The following ACSM6 variants were observed in gnomAD, a reference collection of about 807,000 sequenced individuals.
ACSM6 encodes acyl-coenzyme A synthetase ACSM6, mitochondrial.
Under a neutral mutation model 51.1 loss-of-function variants are expected in ACSM6, and 35 were observed. The observed-to-expected ratio is 0.69, with a 90% confidence interval of 0.52 to 0.91. The LOEUF is 0.91. Ranked by LOEUF, ACSM6 falls within the 40% of genes least tolerant of loss-of-function variation. ACSM6 has a pLI of 0.00. For synonymous variants in ACSM6, 172 were observed against 207.3 expected, an observed-to-expected ratio of 0.83 and a Z score of 1.46; for missense variants, 509 against 584.1, an observed-to-expected ratio of 0.87 and a Z score of 1.32.
chr10:95,197,794 A>G lies in ACSM6; in HGVS notation c.192+3117A>G, dbSNP rs4113258. ...CTTTACGGGTGTCGGGCTGGGGGACAGTCAGGTCTTTCTCATCCCACGAGG... is the reference window on the plus strand; with the variant it reads ...CTTTACGGGTGTCGGGCTGGGGGACGGTCAGGTCTTTCTCATCCCACGAGG... On this transcript the variant is annotated intron_variant, in intron 2 of 10. Transcript: ENST00000341686. Among the ~76,000 whole-genome samples, 657 of 151,016 alleles carry G rather than the reference A, an allele frequency of 4.4e-3. 2 individuals carry two copies. The highest frequency in any genetic ancestry group is 6.2e-3 in the Non-Finnish European group (422 of 67,546).
At chr10:95,195,360 G>C (rs982076672) in intron 2 of ACSM6, among the ~76,000 whole-genome samples, 1 of 152,188 alleles carries the variant, frequency 6.6e-6, no homozygotes, top group Non-Finnish European at 1.5e-5. Context: ...GTCTAGGCAG[G>C]AACAACCACA....
chr10:95,218,840 G>A (rs532454777), intron 8 of ACSM6, among the ~76,000 whole-genome samples: 48 of 152,160 alleles, frequency 3.2e-4, no homozygotes, highest in African/African-American at 1.1e-3. Flanking sequence ...ACACTAGAGA[G>A]AGATTACTAT....
At chr10:95,223,890 A>C (rs1341089601) in intron 9 of ACSM6, among the ~76,000 whole-genome samples, 2 of 152,254 alleles carry the variant, frequency 1.3e-5, no homozygotes, top group Non-Finnish European at 2.9e-5. Context: ...GACCATGTAT[A>C]TAGAAAATCC....
intron 2 of ACSM6, among the ~76,000 whole-genome samples, chr10:95,196,977 T>G (rs1019768888): frequency 6.6e-6 from 1 of 152,230 alleles, no homozygotes; most frequent in African/African-American, 2.4e-5. Flanking sequence ...ATCTATATTC[T>G]TTTCTTCATT....
At chr10:95,214,099 T>A (rs2034921096) in intron 7 of ACSM6, among the ~76,000 whole-genome samples, 1 of 152,214 alleles carries the variant, frequency 6.6e-6, no homozygotes, top group African/African-American at 2.4e-5. Context: ...AAGGCAATGA[T>A]GTAATGGTAT....
intron 4 of ACSM6, among the ~76,000 whole-genome samples, chr10:95,209,279 G>A (rs1416656579): frequency 1.3e-5 from 2 of 152,132 alleles, no homozygotes; most frequent in Non-Finnish European, 2.9e-5. Context: ...ACTGTGTGAG[G>A]AACAGAAAGA....
chr10:95,218,822 A>T (rs1166627760), intron 8 of ACSM6, among the ~76,000 whole-genome samples: 1 of 152,238 alleles, frequency 6.6e-6, no homozygotes, highest in Non-Finnish European at 1.5e-5. Context: ...AAAACTAGTT[A>T]CTGCGGTACA....
chr10:95,221,934 G>A (rs1333699339), intron 9 of ACSM6, among the ~76,000 whole-genome samples: 1 of 152,060 alleles, frequency 6.6e-6, no homozygotes, highest in Admixed American at 6.6e-5. Context: ...CACAATAAAG[G>A]CCATATATAA....
At chr10:95,211,477 G>A (rs941186229) in intron 5 of ACSM6, among the ~76,000 whole-genome samples, 3 of 152,218 alleles carry the variant, frequency 2.0e-5, no homozygotes, top group East Asian at 1.9e-4. Flanking sequence ...GGAAATAGGT[G>A]TATGTTCCTC....
At chr10:95,198,617 C>G (rs2034759500) in intron 2 of ACSM6, among the ~76,000 whole-genome samples, 1 of 149,568 alleles carries the variant, frequency 6.7e-6, no homozygotes, top group Non-Finnish European at 1.5e-5. Context: ...TGCCACTGCA[C>G]TCCAGCCTGG....
At chr10:95,201,922 T>C in intron 2 of ACSM6, 63 bp from the exon 3 acceptor site, 1 of 1,421,404 alleles carries the variant, frequency 7.0e-7, no homozygotes, top group Non-Finnish European at 9.7e-7. Flanking sequence ...CTGGCAACAG[T>C]GGCCTCCCAT....
intron 2 of ACSM6, chr10:95,201,748 T>C: frequency 3.5e-6 from 2 of 570,742 alleles, no homozygotes; most frequent in Non-Finnish European, 6.3e-6. Flanking sequence ...TGCTGAGTTC[T>C]CTCAGGAGGT....
At chr10:95,194,539 T>G (rs1354300689) in exon 2 of ACSM6, 1 of 1,551,722 alleles carries the variant, frequency 6.4e-7, no homozygotes, top group African/African-American at 1.4e-5. Context: ...GACTGGGATT[T>G]GAAGCCTGCT....
chr10:95,223,077 G>A (rs2035008735), intron 9 of ACSM6, among the ~76,000 whole-genome samples: 1 of 151,718 alleles, frequency 6.6e-6, no homozygotes, highest in Non-Finnish European at 1.5e-5. Flanking sequence ...AAAGGGGGAA[G>A]ATGAAAGAGA....
intron 2 of ACSM6, among the ~76,000 whole-genome samples, chr10:95,197,655 A>G (rs914818965): frequency 4.1e-4 from 62 of 152,006 alleles, no homozygotes; most frequent in Admixed American, 6.6e-5. Context: ...CAAATGTACA[A>G]TCGGGTTTTA....
intron 4 of ACSM6, among the ~76,000 whole-genome samples, chr10:95,208,933 TAAA>T (rs34370150): frequency 0.13 from 4,501 of 33,696 alleles, 133 homozygotes; most frequent in Middle Eastern, 0.22. Context: ...CAGGGATGTT[TAAA>T]AAAAAAAAAA....
intron 3 of ACSM6, among the ~76,000 whole-genome samples, chr10:95,203,870 A>G (rs1272424897): frequency 2.0e-5 from 3 of 151,562 alleles, no homozygotes; most frequent in Non-Finnish European, 4.4e-5. Flanking sequence ...AAAAAAAAAA[A>G]AAAAAAAAAA....
chr10:95,201,702 C>G, intron 2 of ACSM6: 1 of 534,624 alleles, frequency 1.9e-6, no homozygotes, highest in South Asian at 1.7e-5. Flanking sequence ...CCAGAGAAAT[C>G]TCTGCCATCC....
At chr10:95,216,463 A>G (rs907491431) in intron 8 of ACSM6, among the ~76,000 whole-genome samples, 2 of 152,178 alleles carry the variant, frequency 1.3e-5, no homozygotes, top group Non-Finnish European at 2.9e-5. Flanking sequence ...GGCACTAGGG[A>G]TGACAGCGGG....
Sources: allele counts gnomAD v4.1 joint callset (sites outside exome capture counted in the v4.1 genomes callset), GRCh38; gene constraint gnomAD v4.1.1; transcripts MANE v1.5; gene names NCBI Gene and HGNC (gene_info 2026-07-23, HGNC 2026-07-21).